Variants in SHPK observed in about 807,000 individuals in gnomAD.
The protein encoded by SHPK is carbohydrate kinase-like protein.
A neutral mutation model predicts 46.3 loss-of-function variants in SHPK; 51 were observed. The ratio of observed to expected loss-of-function variants is 1.10; its 90% CI spans 0.88 to 1.39. The LOEUF (loss-of-function observed/expected upper bound fraction) is 1.39. Ranked by LOEUF, SHPK falls within the 40% of genes most tolerant of loss-of-function variation. SHPK has a pLI of 0.00. For missense variants in SHPK, 668 were observed against 641.3 expected (o/e 1.04, Z -0.45); for synonymous variants, 290 against 273.9 (o/e 1.06, Z -0.58).
At chr17:3,629,529 A>T (rs1298192088) in intron 2 of SHPK, among the ~76,000 whole-genome samples, 1 of 152,070 alleles carries the variant, frequency 6.6e-6, no homozygotes, top group Non-Finnish European at 1.5e-5. Flanking sequence ...GGAGTTCGAG[A>T]CCAGCCTGGC....
At chr17:3,619,265 A>G in intron 5 of SHPK, 2 of 736,976 alleles carry the variant, frequency 2.7e-6, no homozygotes, top group Non-Finnish European at 2.4e-6. Flanking sequence ...ACACAGAAGA[A>G]GCTGCTTTTT....
rs2075334954 is a variant in SHPK at position 3,610,852 on chromosome 17, AGCTGGTC to A, written c.1138_1144del (p.Asp380TrpfsTer4). On this transcript the variant is annotated frameshift_variant, in exon 7 of 7. Coordinates refer to ENST00000225519, the MANE Select transcript of SHPK (RefSeq NM_013276.4). LOFTEE classifies it high-confidence loss of function. ...GGAGGAGATTCTGGTCACTGAGGCCAGCTGGTCCGGCAGGTGCCTCTCCCCCAGCACT... is the reference window on the plus strand; with the variant it reads ...GGAGGAGATTCTGGTCACTGAGGCCACGGCAGGTGCCTCTCCCCCAGCACT... 1 of 1,613,970 alleles carries A rather than the reference AGCTGGTC, an allele frequency of 6.2e-7. No homozygotes were observed.
intron 2 of SHPK, among the ~76,000 whole-genome samples, chr17:3,625,851 G>A (rs528220481): frequency 1.6e-4 from 25 of 152,202 alleles, no homozygotes; most frequent in African/African-American, 4.6e-4. Context: ...TGAGGAGTTC[G>A]AGACCAGCCT....
chr17:3,622,475 G>A (rs1007481589), intron 4 of SHPK: 4 of 496,438 alleles, frequency 8.1e-6, no homozygotes, highest in East Asian at 1.5e-4. Context: ...AATATCAAAC[G>A]TGTTAGTCAC....
intron 5 of SHPK, among the ~76,000 whole-genome samples, chr17:3,620,737 T>A (rs2075395534): frequency 6.6e-6 from 1 of 151,730 alleles, no homozygotes; most frequent in African/African-American, 2.4e-5. Flanking sequence ...ATTTTGGTAT[T>A]TTTAGTAGAG....
At chr17:3,630,146 C>T in intron 2 of SHPK, 59 bp downstream of exon 2, 8 of 1,606,742 alleles carry the variant, frequency 5.0e-6, no homozygotes, top group Non-Finnish European at 6.8e-6. Flanking sequence ...CCGCACAGCA[C>T]TGCTCTAGTT....
chr17:3,623,559 T>C, intron 3 of SHPK, 68 bp from the exon 4 acceptor site: 1 of 1,508,870 alleles, frequency 6.6e-7, no homozygotes, highest in Middle Eastern at 1.7e-4. Flanking sequence ...CGCACCTAGC[T>C]GCAGGCAGCA....
chr17:3,623,775 A>C (rs1597573889), intron 3 of SHPK, among the ~76,000 whole-genome samples: 1 of 152,170 alleles, frequency 6.6e-6, no homozygotes, highest in Admixed American at 6.6e-5. Flanking sequence ...GCCTGAACAC[A>C]CTGCGAACTC....
chr17:3,631,386 A>G (rs2075470785), intron 1 of SHPK, among the ~76,000 whole-genome samples: 1 of 152,088 alleles, frequency 6.6e-6, no homozygotes, highest in African/African-American at 2.4e-5. Context: ...ACATTTGTTT[A>G]GACCCTCACT....
chr17:3,626,834 G>T (rs2075441462), intron 2 of SHPK, among the ~76,000 whole-genome samples: 1 of 151,858 alleles, frequency 6.6e-6, no homozygotes, highest in African/African-American at 2.4e-5. Context: ...GGCAGAGGTT[G>T]CAGTGAGCCC....
intron 2 of SHPK, 84 bp downstream of exon 2, chr17:3,630,121 C>T: frequency 6.4e-7 from 1 of 1,556,058 alleles, no homozygotes; most frequent in Non-Finnish European, 8.8e-7. Flanking sequence ...ATAACCCGAC[C>T]CTTCACAGAA....
intron 5 of SHPK, among the ~76,000 whole-genome samples, chr17:3,616,134 G>A (rs1430498955): frequency 6.6e-6 from 1 of 152,138 alleles, no homozygotes; most frequent in Non-Finnish European, 1.5e-5. Flanking sequence ...TTACAGGTGT[G>A]AGCCACCGTG....
Position 3,636,036 on chromosome 17 carries a change from C to T in SHPK, c.168+16G>A, listed in dbSNP as rs1394453336. On this transcript the variant is annotated intron_variant, in intron 1 of 6. Transcript: ENST00000225519. ...GAGGCTCCTGGAGGCGGCGCGGCCC[C>T]GGGGGTCCAACTCACCTGGGGCCCG... 4 of 1,530,924 alleles carry T rather than the reference C, an allele frequency of 2.6e-6. No individual in the cohort carries two copies. Among genetic ancestry groups the T allele is most frequent in the Non-Finnish European group, 3.5e-6 (4 of 1,143,808 alleles). 94.8% of individuals were successfully genotyped at this position (1,530,924 alleles called of 1,614,324 possible). A position where few individuals can be genotyped will look rare whatever the true frequency, so the allele number is the denominator to read the frequency against.
intron 2 of SHPK, among the ~76,000 whole-genome samples, chr17:3,626,280 G>A (rs2075436734): frequency 6.6e-6 from 1 of 152,084 alleles, no homozygotes; most frequent in Admixed American, 6.6e-5. Context: ...GGCCCTTTCA[G>A]GCTGGGGTGT....
intron 2 of SHPK, among the ~76,000 whole-genome samples, chr17:3,626,079 C>T (rs1228091293): frequency 1.3e-5 from 2 of 152,014 alleles, no homozygotes; most frequent in African/African-American, 2.4e-5. Flanking sequence ...CAAAAAAATG[C>T]TACTCCATTG....
intron 1 of SHPK, 138 bp downstream of exon 1, chr17:3,635,914 G>A: frequency 2.3e-6 from 2 of 858,238 alleles, no homozygotes; most frequent in Non-Finnish European, 1.7e-6. Context: ...GCTGCAGGCA[G>A]ACGGGCCCCT....
At chr17:3,632,971 CTTTT>C (rs34873037) in intron 1 of SHPK, among the ~76,000 whole-genome samples, 8 of 81,728 alleles carry the variant, frequency 9.8e-5, no homozygotes, top group South Asian at 4.5e-4. Flanking sequence ...GCAGATATTA[CTTTT>C]TTTTTTTTTT....
Position 3,623,477 on chromosome 17 carries a change from T to A in SHPK, c.509A>T (p.Lys170Met). 1 of 1,614,112 alleles carries A rather than the reference T, an allele frequency of 6.2e-7. No homozygotes were observed. Among genetic ancestry groups the A allele is most frequent in the Non-Finnish European group, 8.5e-7 (1 of 1,179,980 alleles). Residue 170 changes from lysine (K) to methionine (M), a missense_variant, in exon 4 of 7, where the codon AAG becomes ATG. By Grantham distance (95) the Lys-to-Met change is moderately conservative. Transcript: ENST00000225519. ...GATGGTACCGGCTGCGTCGTAGGAC[T>A]TCAGGAACTCTGGGCTGTTTTTCAT... The part of the protein sequence containing the change: ...WLLKYRPEFL[K>M]SYDAAGTIHD...
At chr17:3,620,436 A>AT (rs200971698) in intron 5 of SHPK, among the ~76,000 whole-genome samples, 70 of 140,106 alleles carry the variant, frequency 5.0e-4, no homozygotes, top group East Asian at 4.0e-3. Context: ...AATTTTTTCT[A>AT]TTTTTTTTTT....
Sources: gnomAD v4.1 joint callset for allele counts (sites outside exome capture counted in the v4.1 genomes callset) on GRCh38, gnomAD v4.1.1 for gene constraint, MANE v1.5 for transcripts, NCBI Gene and HGNC (gene_info 2026-07-23, HGNC 2026-07-21) for gene names.